The following CHRM3 variants were observed in gnomAD, a reference collection of about 807,000 sequenced individuals.
The protein encoded by CHRM3 is muscarinic acetylcholine receptor M3.
In CHRM3, 11 loss-of-function variants were observed where a neutral mutation model predicts 41.8. The observed-to-expected ratio is 0.26, with a 90% CI of 0.17 to 0.44. The LOEUF is 0.44. Ranked by LOEUF, CHRM3 falls within the 20% of genes least tolerant of loss-of-function variation. The pLI is 1.00. For missense variants in CHRM3, 571 were observed against 745.4 expected (o/e 0.77, Z 2.72); for synonymous variants, 297 against 301.4 (o/e 0.99, Z 0.15).
chr1:239,875,279 G>A (rs1215364820), intron 6 of CHRM3, among the ~76,000 whole-genome samples: 2 of 152,182 alleles, frequency 1.3e-5, no homozygotes, highest in Non-Finnish European at 2.9e-5. Flanking sequence ...GGTGGCAACT[G>A]TTCTTCTGTT....
intron 6 of CHRM3, among the ~76,000 whole-genome samples, chr1:239,851,375 A>G (rs1278653748): frequency 2.0e-5 from 3 of 152,188 alleles, no homozygotes; most frequent in Non-Finnish European, 4.4e-5. Context: ...TGTCTTTGCT[A>G]TGTTATTGCA....
chr1:239,465,914 C>T (rs1255388624), intron 1 of CHRM3, among the ~76,000 whole-genome samples: 1 of 152,164 alleles, frequency 6.6e-6, no homozygotes, highest in Non-Finnish European at 1.5e-5. Context: ...AACTGCTCCT[C>T]TTCCTCTTCC....
chr1:239,397,869 G>A (rs1183838614), intron 1 of CHRM3, among the ~76,000 whole-genome samples: 2 of 151,620 alleles, frequency 1.3e-5, no homozygotes, highest in East Asian at 3.9e-4. Flanking sequence ...AATGTTATGT[G>A]AGCCGTGTCT....
intron 4 of CHRM3, among the ~76,000 whole-genome samples, chr1:239,646,298 A>G (rs1215547799): frequency 1.3e-5 from 2 of 152,202 alleles, no homozygotes; most frequent in African/African-American, 2.4e-5. Flanking sequence ...TTTAATACAC[A>G]GCCTATGTGT....
intron 1 of CHRM3, among the ~76,000 whole-genome samples, chr1:239,429,252 T>C (rs567135394): frequency 4.6e-5 from 7 of 152,346 alleles, no homozygotes; most frequent in South Asian, 2.1e-4. Flanking sequence ...TAGTAATTTT[T>C]ATTTTTCCGC....
intron 4 of CHRM3, among the ~76,000 whole-genome samples, chr1:239,666,210 G>T (rs1282140908): frequency 1.1e-4 from 16 of 151,164 alleles, no homozygotes; most frequent in Admixed American, 1.1e-3. Flanking sequence ...TTTTTTGGCG[G>T]GGGGGATGGA....
chr1:239,886,958 C>T (rs995013552), intron 6 of CHRM3, among the ~76,000 whole-genome samples: 4 of 152,116 alleles, frequency 2.6e-5, no homozygotes, highest in African/African-American at 4.8e-5. Flanking sequence ...ATGTTTCTGT[C>T]CTCCACCACC....
chr1:239,478,010 G>C (rs112803247), intron 1 of CHRM3, among the ~76,000 whole-genome samples: 1 of 152,174 alleles, frequency 6.6e-6, no homozygotes, highest in Non-Finnish European at 1.5e-5. Flanking sequence ...TCCAGGAGTA[G>C]GGCTGGAGAG....
At chr1:239,667,063 CT>C (rs1338246129) in intron 4 of CHRM3, among the ~76,000 whole-genome samples, 1 of 152,188 alleles carries the variant, frequency 6.6e-6, no homozygotes, top group East Asian at 1.9e-4. Context: ...TCAAATCACT[CT>C]GTTAGCTGTT....
chr1:239,611,404 G>A (rs1304086952), intron 3 of CHRM3, among the ~76,000 whole-genome samples: 2 of 142,728 alleles, frequency 1.4e-5, no homozygotes, highest in Non-Finnish European at 3.0e-5. Flanking sequence ...CAAATCCAAG[G>A]TTTGCAAGTG....
intron 4 of CHRM3, among the ~76,000 whole-genome samples, chr1:239,651,021 A>C (rs1672196379): frequency 1.3e-5 from 2 of 152,220 alleles, no homozygotes; most frequent in African/African-American, 4.8e-5. Flanking sequence ...TCTGAATGGA[A>C]TCATAAGGCT....
At chr1:239,517,721 G>A (rs1669366077) in intron 2 of CHRM3, among the ~76,000 whole-genome samples, 1 of 152,100 alleles carries the variant, frequency 6.6e-6, no homozygotes, top group African/African-American at 2.4e-5. Flanking sequence ...CTTTAGAAAT[G>A]AGCATTTTTT....
intron 1 of CHRM3, among the ~76,000 whole-genome samples, chr1:239,389,938 A>G (rs1000582633): frequency 6.6e-6 from 1 of 152,160 alleles, no homozygotes; most frequent in Admixed American, 6.5e-5. Context: ...AGATGAATGA[A>G]CCGTGAATCA....
chr1:239,881,143 C>A (rs967692373), intron 6 of CHRM3, among the ~76,000 whole-genome samples: 1 of 151,570 alleles, frequency 6.6e-6, no homozygotes, highest in African/African-American at 2.4e-5. Flanking sequence ...ATTAGCCGGG[C>A]GTGGTGGTGG....
Position 239,520,846 on chromosome 1 carries a change from G to A in CHRM3, c.-421-24795G>A, listed in dbSNP as rs190353354. On this transcript the variant is annotated intron_variant, in intron 2 of 6. Transcript: ENST00000676153. ...CTGAGGCATTTGTTGACTTTCAAAA[G>A]CAACTTCAATTTAAGGCATTTTGTA... Among the ~76,000 whole-genome samples, 404 of 152,198 alleles carry A rather than the reference G, an allele frequency of 2.7e-3. 1 individual carries two copies. The highest frequency in any genetic ancestry group is 8.0e-3 in the Admixed American group (122 of 15,286).
Position 239,737,251 on chromosome 1 carries a change from A to C in CHRM3, c.-147+58963A>C, listed in dbSNP as rs536059787. The stretch of plus-strand genomic sequence containing the variant: ...AATGACCAAATAACTTTTACAATGC[A>C]ATTATTGCCCTTTATCACCATGAGT... On this transcript the variant is annotated intron_variant, in intron 5 of 6. Coordinates refer to ENST00000676153, the MANE Select transcript of CHRM3 (RefSeq NM_001375978.1). Among the ~76,000 whole-genome samples, 138 of 152,288 alleles carry C rather than the reference A, an allele frequency of 9.1e-4. 1 individual carries two copies. Among genetic ancestry groups the C allele is most frequent in the Middle Eastern group, 6.8e-3 (2 of 294 alleles).
chr1:239,795,854 C>T (rs2148889708), intron 5 of CHRM3, among the ~76,000 whole-genome samples: 1 of 152,280 alleles, frequency 6.6e-6, no homozygotes, highest in East Asian at 1.9e-4. Context: ...ACCTAGCTGG[C>T]AGCACACTGG....
chr1:239,552,611 G>T (rs1659974612), intron 3 of CHRM3, among the ~76,000 whole-genome samples: 1 of 143,272 alleles, frequency 7.0e-6, no homozygotes, highest in Non-Finnish European at 1.5e-5. Context: ...ACAGGCTCAT[G>T]CTCCACACCT....
intron 3 of CHRM3, among the ~76,000 whole-genome samples, chr1:239,561,701 G>T (rs570457203): frequency 6.6e-6 from 1 of 151,754 alleles, no homozygotes; most frequent in African/African-American, 2.4e-5. Flanking sequence ...TAATATTACT[G>T]ATAATTAATA....
Sources: allele counts gnomAD v4.1 joint callset (sites outside exome capture counted in the v4.1 genomes callset), GRCh38; gene constraint gnomAD v4.1.1; transcripts MANE v1.5; gene names NCBI Gene and HGNC (gene_info 2026-07-23, HGNC 2026-07-21).